Variants in C12orf42 observed in about 807,000 individuals in gnomAD.
C12orf42 encodes chromosome 12 open reading frame 42, also known as uncharacterized protein C12orf42.
A neutral mutation model predicts 21.6 loss-of-function variants in C12orf42; 25 were observed. The observed-to-expected ratio is 1.16, with a 90% confidence interval of 0.84 to 1.62. C12orf42 has a LOEUF of 1.62. C12orf42 is among the 40% of genes most tolerant of loss of function. The probability of loss-of-function intolerance (pLI) is 0.00; values close to 1 mark genes in which losing one functional copy is unlikely to be tolerated. For missense variants in C12orf42, 483 were observed against 459.3 expected (o/e 1.05, Z -0.47); for synonymous variants, 174 against 175.0 (o/e 0.99, Z 0.05).
At chr12:103,211,635 G>A in the C12orf42 span, among the ~76,000 whole-genome samples, 358 of 152,276 alleles carry the variant, frequency 2.4e-3, 1 homozygote, top group African/African-American at 8.3e-3. Flanking sequence ...CTCCAGCCTT[G>A]AGAATCACAA....
At chr12:103,463,706 A>G (rs1284796090) in intron 2 of C12orf42, among the ~76,000 whole-genome samples, 1 of 152,192 alleles carries the variant, frequency 6.6e-6, no homozygotes, top group Non-Finnish European at 1.5e-5. Context: ...CTAGGTATTA[A>G]GCCCACATGC....
At chr12:103,397,205 A>G (rs1009098635) in intron 3 of C12orf42, among the ~76,000 whole-genome samples, 3 of 152,232 alleles carry the variant, frequency 2.0e-5, no homozygotes, top group African/African-American at 7.2e-5. Flanking sequence ...CCTTTAAACT[A>G]GTTGCAACAG....
At chr12:103,391,164 T>C (rs1593771728) in intron 3 of C12orf42, among the ~76,000 whole-genome samples, 1 of 103,684 alleles carries the variant, frequency 9.6e-6, no homozygotes, top group Non-Finnish European at 2.0e-5. Context: ...TTCGGTTTTA[T>C]ATATATATAT....
At chr12:103,389,341 G>T (rs1305187289) in intron 3 of C12orf42, among the ~76,000 whole-genome samples, 2 of 152,182 alleles carry the variant, frequency 1.3e-5, no homozygotes, top group African/African-American at 4.8e-5. Flanking sequence ...TAAAGAGTCA[G>T]ATCCACAATG....
At chr12:103,128,250 A>G in the C12orf42 span, among the ~76,000 whole-genome samples, 3 of 152,170 alleles carry the variant, frequency 2.0e-5, no homozygotes, top group Non-Finnish European at 4.4e-5. Context: ...GGAAAGAAAA[A>G]GCAAAGAGAG....
intron 4 of C12orf42, among the ~76,000 whole-genome samples, chr12:103,296,567 G>A (rs939496846): frequency 2.6e-5 from 4 of 152,222 alleles, no homozygotes; most frequent in Non-Finnish European, 4.4e-5. Flanking sequence ...ACTGGTGTGA[G>A]ATGGTATCTC....
At chr12:103,407,448 A>G (rs10778244) in intron 2 of C12orf42, among the ~76,000 whole-genome samples, 92,073 of 151,980 alleles carry the variant, frequency 0.61, 29,361 homozygotes, top group Admixed American at 0.72. Context: ...TACTCAATGT[A>G]AAGACAATAA....
Position 103,301,966 on chromosome 12 carries a change from T to C in C12orf42, c.*142A>G. On this transcript the variant is annotated 3_prime_UTR_variant, in exon 6 of 6. Transcript: ENST00000548883. ...TTGGCTGCGCTAGGGACTTTTGACATTATTTATTAGGTTCAAAAATGCTTC... is the reference window on the plus strand; with the variant it reads ...TTGGCTGCGCTAGGGACTTTTGACACTATTTATTAGGTTCAAAAATGCTTC... 1.0e-6 allele frequency: 1 copy of C among 966,592 alleles called. No homozygotes were observed. The highest frequency in any genetic ancestry group is 1.5e-6 in the Non-Finnish European group (1 of 658,896). 59.9% of individuals were successfully genotyped at this position (966,592 alleles called of 1,614,324 possible). A position where few individuals can be genotyped will look rare whatever the true frequency, so the allele number is the denominator to read the frequency against.
At chr12:103,134,830 C>A in the C12orf42 span, among the ~76,000 whole-genome samples, 1 of 151,984 alleles carries the variant, frequency 6.6e-6, no homozygotes, top group Non-Finnish European at 1.5e-5. Context: ...CTGTCAAAAG[C>A]CAAAGACAAG....
At chr12:103,183,359 C>T in the C12orf42 span, among the ~76,000 whole-genome samples, 7 of 152,242 alleles carry the variant, frequency 4.6e-5, no homozygotes, top group African/African-American at 4.8e-5. Context: ...GGATTACAGG[C>T]GTGAGCCACC....
intron 3 of C12orf42, among the ~76,000 whole-genome samples, chr12:103,379,450 G>GA (rs200101794): frequency 6.7e-5 from 10 of 149,056 alleles, no homozygotes; most frequent in Admixed American, 2.0e-4. Context: ...GGTGTCAAAG[G>GA]AAAAAAAAAT....
At chr12:103,277,080 GA>G (rs1472262735) in intron 5 of C12orf42, 1 of 453,628 alleles carries the variant, frequency 2.2e-6, no homozygotes, top group African/African-American at 2.0e-5. Context: ...AGTTTGGGAA[GA>G]TTGCTGGATA....
chr12:103,161,937 C>T, the C12orf42 span, among the ~76,000 whole-genome samples: 4 of 152,078 alleles, frequency 2.6e-5, no homozygotes, highest in Non-Finnish European at 5.9e-5. Flanking sequence ...CATTCCACAC[C>T]AGTTTGTTTT....
At chr12:103,369,075 C>T (rs189838951) in intron 3 of C12orf42, 77 bp from the exon 4 acceptor site, 7 of 665,114 alleles carry the variant, frequency 1.1e-5, no homozygotes, top group African/African-American at 9.2e-5. Flanking sequence ...ACCTAGCACT[C>T]TTACTTCCCT....
At chr12:103,096,320 A>G in the C12orf42 span, among the ~76,000 whole-genome samples, 2 of 152,124 alleles carry the variant, frequency 1.3e-5, no homozygotes, top group African/African-American at 4.8e-5. Flanking sequence ...TTTTCAATTT[A>G]GGTGTATTTT....
the C12orf42 span, among the ~76,000 whole-genome samples, chr12:103,067,930 G>A: frequency 5.0e-4 from 76 of 152,282 alleles, no homozygotes; most frequent in African/African-American, 1.4e-3. Context: ...TCATTAGGGC[G>A]TCTCTTAGTA....
intron 10 of C12orf42, among the ~76,000 whole-genome samples, chr12:103,261,436 C>G (rs908905714): frequency 6.8e-6 from 1 of 146,020 alleles, no homozygotes; most frequent in Non-Finnish European, 1.5e-5. Flanking sequence ...GAGCCGAGAT[C>G]GTGCCACTGC....
At chr12:103,235,179 A>G (rs888377947), downstream of C12orf42, among the ~76,000 whole-genome samples, 5 of 152,142 alleles carry the variant, frequency 3.3e-5, no homozygotes, top group African/African-American at 4.8e-5. Flanking sequence ...CAAGACCCAG[A>G]TGTTCCAGAG....
chr12:103,264,918 G>A (rs937569382), downstream of C12orf42, among the ~76,000 whole-genome samples: 1 of 152,002 alleles, frequency 6.6e-6, no homozygotes, highest in African/African-American at 2.4e-5. Context: ...CACTCATTCT[G>A]TCTTAGTCAG....
Sources: allele counts gnomAD v4.1 joint callset (sites outside exome capture counted in the v4.1 genomes callset), GRCh38; gene constraint gnomAD v4.1.1; transcripts MANE v1.5; gene names NCBI Gene and HGNC (gene_info 2026-07-23, HGNC 2026-07-21).